Variants in SYNDIG1 observed in about 807,000 individuals in gnomAD.
SYNDIG1 encodes the protein synapse differentiation-inducing gene protein 1.
Under a neutral mutation model 19.4 loss-of-function variants are expected in SYNDIG1, and 9 were observed. The ratio of observed to expected loss-of-function variants is 0.46; its 90% confidence interval spans 0.28 to 0.81. SYNDIG1 has a LOEUF of 0.81. Among genes scored for constraint, SYNDIG1 ranks in the 30% least tolerant of loss-of-function variants. The pLI, the probability that SYNDIG1 is intolerant of heterozygous loss-of-function variation, is 0.12. For missense variants in SYNDIG1, 311 were observed against 343.3 expected, an observed-to-expected ratio of 0.91 and a Z score of 0.74; for synonymous variants, 141 against 145.9, an observed-to-expected ratio of 0.97 and a Z score of 0.24.
At chr20:24,600,972 C>G (rs1349847325) in intron 3 of SYNDIG1, among the ~76,000 whole-genome samples, 1 of 152,170 alleles carries the variant, frequency 6.6e-6, no homozygotes, top group East Asian at 1.9e-4. Flanking sequence ...GAATGGCACT[C>G]TTATCTTGTA....
intron 1 of SYNDIG1, among the ~76,000 whole-genome samples, chr20:24,508,980 A>T (rs2056674847): frequency 6.6e-6 from 1 of 152,244 alleles, no homozygotes; most frequent in African/African-American, 2.4e-5. Flanking sequence ...TTAAGAAAGT[A>T]ACATGGAGTC....
At chr20:24,583,924 T>A (rs1232195795) in intron 2 of SYNDIG1, among the ~76,000 whole-genome samples, 2 of 152,156 alleles carry the variant, frequency 1.3e-5, no homozygotes, top group African/African-American at 4.8e-5. Flanking sequence ...GCATAACTGC[T>A]GCACACTAGG....
At chr20:24,614,850 G>T (rs961828145) in intron 3 of SYNDIG1, among the ~76,000 whole-genome samples, 1 of 152,190 alleles carries the variant, frequency 6.6e-6, no homozygotes, top group Non-Finnish European at 1.5e-5. Context: ...AATGTAATTG[G>T]TGAATGGAGT....
intron 3 of SYNDIG1, among the ~76,000 whole-genome samples, chr20:24,645,703 G>A (rs761438): frequency 0.6 from 91,109 of 152,174 alleles, 27,678 homozygotes; most frequent in East Asian, 0.73. Context: ...TGGGCTGAGA[G>A]AGGCGGAGGC....
chr20:24,539,024 C>A (rs965892972), intron 1 of SYNDIG1, among the ~76,000 whole-genome samples: 1 of 152,100 alleles, frequency 6.6e-6, no homozygotes, highest in Non-Finnish European at 1.5e-5. Context: ...ATATGATTTG[C>A]AAATGTTTTC....
chr20:24,473,304 G>A (rs1370315826), intron 1 of SYNDIG1, among the ~76,000 whole-genome samples: 2 of 152,112 alleles, frequency 1.3e-5, no homozygotes, highest in Non-Finnish European at 2.9e-5. Context: ...CTCTTGACCC[G>A]GCATCACTAC....
intron 3 of SYNDIG1, among the ~76,000 whole-genome samples, chr20:24,627,150 G>GAGAGCGAGAGCGAGAGCGAGAGC (rs1568697901): frequency 3.7e-5 from 5 of 136,398 alleles, no homozygotes; most frequent in African/African-American, 8.7e-5. Context: ...AGAGGGAGAG[G>GAGAGCGAGAGCGAGAGCGAGAGC]GAGAGCGAGA....
chr20:24,504,835 T>G (rs2056548115), intron 1 of SYNDIG1, among the ~76,000 whole-genome samples: 1 of 152,200 alleles, frequency 6.6e-6, no homozygotes, highest in Admixed American at 6.5e-5. Context: ...GAAGAATTCC[T>G]GCAGAGCTGT....
rs144823395 is a variant in SYNDIG1 at position 24,490,164 on chromosome 20, G to A, written c.-79+20411G>A. Among the ~76,000 whole-genome samples the A allele has an allele frequency of 2.9e-3, 439 of 152,346 alleles. 3 individuals carry two copies. The highest frequency in any genetic ancestry group is 0.01 in the African/African-American group (417 of 41,582). ...ACAGGGGCAGGGCAGAAGGCCCAGC[G>A]GAGTGCCTCTGCGGGTCTGGTTTGT... On this transcript the variant is annotated intron_variant, in intron 1 of 3. Transcript: ENST00000376862.
chr20:24,542,209 A>T (rs539891500), intron 1 of SYNDIG1, among the ~76,000 whole-genome samples: 1 of 152,366 alleles, frequency 6.6e-6, no homozygotes, highest in South Asian at 2.1e-4. Context: ...CTTTTAAAAA[A>T]ATAAATTGTT....
intron 3 of SYNDIG1, among the ~76,000 whole-genome samples, chr20:24,618,257 G>A (rs375217658): frequency 2.7e-5 from 4 of 149,078 alleles, no homozygotes; most frequent in South Asian, 2.1e-4. Flanking sequence ...GCCCCGGGAG[G>A]GGGGAGAGTC....
intron 1 of SYNDIG1, among the ~76,000 whole-genome samples, chr20:24,510,636 G>A (rs117276306): frequency 0.032 from 4,776 of 150,760 alleles, 118 homozygotes; most frequent in Admixed American, 0.093. Context: ...CTTTTGTATT[G>A]TATAGTTACT....
chr20:24,579,715 T>A (rs2058291201), intron 2 of SYNDIG1, among the ~76,000 whole-genome samples: 1 of 152,138 alleles, frequency 6.6e-6, no homozygotes, highest in Admixed American at 6.5e-5. Context: ...GCCAGGCTCC[T>A]CAGTGCAGAT....
At chr20:24,624,940 C>T (rs2059099241) in intron 3 of SYNDIG1, among the ~76,000 whole-genome samples, 1 of 152,168 alleles carries the variant, frequency 6.6e-6, no homozygotes, top group South Asian at 2.1e-4. Flanking sequence ...AAAAACCCTT[C>T]TCAATAACCC....
intron 2 of SYNDIG1, among the ~76,000 whole-genome samples, chr20:24,556,109 C>G (rs1339914398): frequency 6.6e-6 from 1 of 152,024 alleles, no homozygotes; most frequent in Admixed American, 6.6e-5. Context: ...TCTGTTTTAT[C>G]AGAGAGTAGG....
chr20:24,554,928 TG>T (rs1189296174), intron 2 of SYNDIG1, among the ~76,000 whole-genome samples: 1 of 152,030 alleles, frequency 6.6e-6, no homozygotes, highest in Non-Finnish European at 1.5e-5. Context: ...TGAATCCATC[TG>T]GTCCTGGACT....
intron 1 of SYNDIG1, among the ~76,000 whole-genome samples, chr20:24,481,462 C>T (rs562266093): frequency 1.3e-5 from 2 of 152,166 alleles, no homozygotes; most frequent in Admixed American, 6.5e-5. Context: ...CTTCATATGC[C>T]GAGGCTTCTG....
rs542570623 is a variant in SYNDIG1, at chr20:24,482,678, G to T, written c.-79+12925G>T. Among the ~76,000 whole-genome samples the T allele has an allele frequency of 2.2e-4, 33 of 152,280 alleles. 1 individual carries two copies. In the South Asian group the frequency reaches 5.6e-3, roughly 26 times the overall value. On this transcript the variant is annotated intron_variant, in intron 1 of 3. Transcript: ENST00000376862. Reference sequence around the variant, plus strand: ...AACTAAATGCCTGTCAAAAGGGGATGGTTAAATATGATGCAACTATTATGA... The same window carrying T: ...AACTAAATGCCTGTCAAAAGGGGATTGTTAAATATGATGCAACTATTATGA...
chr20:24,642,351 C>T (rs1405620625), intron 3 of SYNDIG1, among the ~76,000 whole-genome samples: 1 of 152,024 alleles, frequency 6.6e-6, no homozygotes, highest in African/African-American at 2.4e-5. Context: ...CAAGCTTGCA[C>T]CTGGAGAGAG....
Sources: allele counts gnomAD v4.1 joint callset (sites outside exome capture counted in the v4.1 genomes callset), GRCh38; gene constraint gnomAD v4.1.1; transcripts MANE v1.5; gene names NCBI Gene and HGNC (gene_info 2026-07-23, HGNC 2026-07-21).